Variants in MCEE observed in about 807,000 individuals in gnomAD.
MCEE encodes the protein methylmalonyl-CoA epimerase, mitochondrial.
In MCEE, 6 loss-of-function variants were observed where a neutral mutation model predicts 12.9. The observed-to-expected ratio is 0.47, with a 90% CI of 0.26 to 0.92. MCEE has a LOEUF of 0.92. MCEE is among the 40% of genes least tolerant of loss of function. The probability of loss-of-function intolerance (pLI) is 0.16; values close to 1 mark genes in which losing one functional copy is unlikely to be tolerated. For synonymous variants in MCEE, 78 were observed against 77.9 expected (o/e 1.00, Z -0.01); for missense variants, 214 against 212.1 (o/e 1.01, Z -0.05).
intron 1 of MCEE, 61 bp from the exon 2 acceptor site, chr2:71,124,604 A>G (rs1056692231): frequency 3.0e-6 from 4 of 1,320,106 alleles, no homozygotes; most frequent in Non-Finnish European, 4.4e-6. Context: ...TCTAAATTGA[A>G]TTTTAAAAAC....
intron 2 of MCEE, chr2:71,116,872 T>A (rs1673006791): frequency 6.6e-6 from 1 of 150,544 alleles, no homozygotes. Context: ...TCTCATAACC[T>A]CTTTGGTCCT....
chr2:71,112,291 C>A (rs1672901791), intron 2 of MCEE, among the ~76,000 whole-genome samples: 1 of 152,026 alleles, frequency 6.6e-6, no homozygotes, highest in Non-Finnish European at 1.5e-5. Context: ...CACACGCCAC[C>A]ATGCCCAGCT....
chr2:71,115,692 T>G (rs866600260), intron 2 of MCEE, among the ~76,000 whole-genome samples: 3 of 149,584 alleles, frequency 2.0e-5, no homozygotes, highest in Non-Finnish European at 4.4e-5. Context: ...ACACAGTCAG[T>G]AATAACCCAT....
At chr2:71,129,916 C>T (rs929390786) in intron 1 of MCEE, 23 of 578,694 alleles carry the variant, frequency 4.0e-5, no homozygotes, top group Non-Finnish European at 6.5e-5. Flanking sequence ...TCGACTCTCC[C>T]GCCCACATAC....
chr2:71,114,138 C>T (rs1035097132), intron 2 of MCEE, among the ~76,000 whole-genome samples: 1 of 151,602 alleles, frequency 6.6e-6, no homozygotes, highest in African/African-American at 2.4e-5. Context: ...CTGCCACATG[C>T]AAGAGGAGCC....
intron 1 of MCEE, 48 bp downstream of exon 1, chr2:71,130,131 TC>T (rs752093617): frequency 2.5e-6 from 4 of 1,589,176 alleles, no homozygotes; most frequent in Middle Eastern, 1.7e-4. Flanking sequence ...CGACCGCCGT[TC>T]CCACGCTCCC....
intron 1 of MCEE, among the ~76,000 whole-genome samples, chr2:71,125,211 A>ATATATATATATATTTTTTTTT: frequency 2.3e-4 from 11 of 48,598 alleles, no homozygotes; most frequent in East Asian, 4.1e-4. Context: ...ATATATATAT[A>ATATATATATATATTTTTTTTT]TTTTTTTTTT....
intron 1 of MCEE, 113 bp downstream of exon 1, chr2:71,130,067 G>T: frequency 9.1e-7 from 1 of 1,095,776 alleles, no homozygotes; most frequent in South Asian, 1.3e-5. Context: ...ACGCGCCCCC[G>T]GGGGAGGACA....
intron 2 of MCEE, among the ~76,000 whole-genome samples, chr2:71,119,977 C>T (rs1221483327): frequency 6.7e-6 from 1 of 149,606 alleles, no homozygotes; most frequent in Non-Finnish European, 1.5e-5. Flanking sequence ...CGCTTGAGCT[C>T]AGGAGTTCCA....
In MCEE at chr2:71,118,224, A is replaced by C. The variant is rs550646343; in HGVS notation, c.378+5982T>G. ...CACTCCCTGCGAGGACACCCAGCTT[A>C]TCCCACCTGGGCTTCAACTCCCCAC... On this transcript the variant is annotated intron_variant, in intron 2 of 2. Coordinates refer to ENST00000244217, the MANE Select transcript of MCEE (RefSeq NM_032601.4). The C allele has an allele frequency of 4.2e-4, 63 of 150,948 alleles. 1 individual carries two copies. Among genetic ancestry groups the C allele is most frequent in the Non-Finnish European group, 7.9e-4 (54 of 68,776 alleles). 9.4% of individuals were successfully genotyped at this position (150,948 alleles called of 1,614,324 possible).
chr2:71,119,889 TA>T (rs11316847), intron 2 of MCEE, among the ~76,000 whole-genome samples: 9,628 of 142,586 alleles, frequency 0.068, 1,267 homozygotes, highest in African/African-American at 0.19. Flanking sequence ...ATTTGTCTCT[TA>T]AAAAAAAAAA....
At chr2:71,114,971 T>C (rs1337891880) in intron 2 of MCEE, among the ~76,000 whole-genome samples, 2 of 152,210 alleles carry the variant, frequency 1.3e-5, no homozygotes, top group African/African-American at 4.8e-5. Context: ...CATGTGATTA[T>C]GAATATTTTC....
chr2:71,128,201 C>CT (rs1673279659), intron 1 of MCEE, among the ~76,000 whole-genome samples: 1 of 152,172 alleles, frequency 6.6e-6, no homozygotes, highest in Non-Finnish European at 1.5e-5. Context: ...GTTGGTCATT[C>CT]TTGTCTCCCA....
At chr2:71,111,235 C>T (rs1672879387) in intron 2 of MCEE, among the ~76,000 whole-genome samples, 1 of 152,160 alleles carries the variant, frequency 6.6e-6, no homozygotes, top group South Asian at 2.1e-4. Flanking sequence ...CATTTCATGA[C>T]ATCTTGCACT....
At chr2:71,117,935 G>A (rs1673025717) in intron 2 of MCEE, among the ~76,000 whole-genome samples, 2 of 149,760 alleles carry the variant, frequency 1.3e-5, no homozygotes, top group African/African-American at 2.5e-5. Context: ...CCAACCGTGG[G>A]GCTGCCCTCT....
At chr2:71,121,466 G>T (rs1186992770) in intron 2 of MCEE, among the ~76,000 whole-genome samples, 1 of 152,092 alleles carries the variant, frequency 6.6e-6, no homozygotes, top group Non-Finnish European at 1.5e-5. Flanking sequence ...ATGATGATGG[G>T]GGTATTATAC....
At chr2:71,127,930 A>AT (rs1408362738) in intron 1 of MCEE, among the ~76,000 whole-genome samples, 1 of 152,194 alleles carries the variant, frequency 6.6e-6, no homozygotes, top group Non-Finnish European at 1.5e-5. Flanking sequence ...CTGGCCGAAC[A>AT]TAAGTCTGAA....
intron 2 of MCEE, among the ~76,000 whole-genome samples, chr2:71,120,621 G>A (rs1673081074): frequency 6.7e-6 from 1 of 150,278 alleles, no homozygotes; most frequent in Non-Finnish European, 1.5e-5. Context: ...AAACCATGGA[G>A]CATGCACCAA....
At chr2:71,124,796 C>T (rs2103640462) in intron 1 of MCEE, among the ~76,000 whole-genome samples, 1 of 152,104 alleles carries the variant, frequency 6.6e-6, no homozygotes, top group East Asian at 1.9e-4. Flanking sequence ...CACAGGATAA[C>T]ATTTTTTCAT....
Sources: gnomAD v4.1 joint callset for allele counts (sites outside exome capture counted in the v4.1 genomes callset) on GRCh38, gnomAD v4.1.1 for gene constraint, MANE v1.5 for transcripts, NCBI Gene and HGNC (gene_info 2026-07-23, HGNC 2026-07-21) for gene names.